Variants in LDB2 observed in about 807,000 individuals in gnomAD.
LDB2 encodes the protein LIM domain binding 2, also known as LIM domain-binding protein 2.
A neutral mutation model predicts 44.3 loss-of-function variants in LDB2; 12 were observed. That is an observed-to-expected ratio of 0.27 (90% CI 0.17 to 0.44). LDB2 has a LOEUF of 0.44. Ranked by LOEUF, LDB2 falls within the 20% of genes least tolerant of loss-of-function variation. LDB2 has a pLI of 1.00. For missense variants in LDB2, 344 were observed against 473.5 expected, an observed-to-expected ratio of 0.73 and a Z score of 2.54; for synonymous variants, 164 against 174.8, an observed-to-expected ratio of 0.94 and a Z score of 0.49.
At chr4:16,695,459 C>CAA (rs553974303) in intron 2 of LDB2, among the ~76,000 whole-genome samples, 151 of 109,610 alleles carry the variant, frequency 1.4e-3, no homozygotes, top group African/African-American at 4.7e-3. Context: ...AAGACTCTGT[C>CAA]AAAAAAAAAA....
intron 1 of LDB2, among the ~76,000 whole-genome samples, chr4:16,832,024 G>A (rs557888076): frequency 6.6e-6 from 1 of 152,302 alleles, no homozygotes; most frequent in South Asian, 2.1e-4. Context: ...GCCCTGGATT[G>A]TCTGAATTCG....
intron 1 of LDB2, among the ~76,000 whole-genome samples, chr4:16,873,501 C>CA (rs113226002): frequency 0.092 from 13,284 of 143,634 alleles, 1,704 homozygotes; most frequent in African/African-American, 0.29. Context: ...GATCTTATGA[C>CA]AAAAAAAAAA....
At chr4:16,680,049 G>A (rs1747410693) in intron 2 of LDB2, among the ~76,000 whole-genome samples, 1 of 152,114 alleles carries the variant, frequency 6.6e-6, no homozygotes, top group Admixed American at 6.5e-5. Flanking sequence ...TTTGGAGATG[G>A]GACCTTTGGG....
At chr4:16,771,554 C>T (rs1770697169) in intron 1 of LDB2, among the ~76,000 whole-genome samples, 1 of 152,138 alleles carries the variant, frequency 6.6e-6, no homozygotes, top group African/African-American at 2.4e-5. Context: ...CAACTCCATC[C>T]CCTACAAGCC....
intron 2 of LDB2, among the ~76,000 whole-genome samples, chr4:16,749,581 TAA>T (rs1277925447): frequency 2.3e-4 from 28 of 123,728 alleles, no homozygotes; most frequent in South Asian, 1.1e-3. Flanking sequence ...AATAAAAAAA[TAA>T]AAAAAAATAT....
At chr4:16,839,700 G>A (rs1323930127) in intron 1 of LDB2, among the ~76,000 whole-genome samples, 1 of 152,134 alleles carries the variant, frequency 6.6e-6, no homozygotes, top group African/African-American at 2.4e-5. Context: ...AGCTACCCCA[G>A]CCTGTGTTCC....
chr4:16,872,288 C>A (rs764758486), intron 1 of LDB2, among the ~76,000 whole-genome samples: 25 of 151,654 alleles, frequency 1.6e-4, no homozygotes, highest in Non-Finnish European at 2.7e-4. Context: ...CTGTATTTTT[C>A]TTCATATTAT....
intron 5 of LDB2, among the ~76,000 whole-genome samples, chr4:16,531,435 C>A (rs1730114781): frequency 6.6e-6 from 1 of 152,204 alleles, no homozygotes; most frequent in Non-Finnish European, 1.5e-5. Flanking sequence ...CCTCTTAATT[C>A]CTCCAAAAGG....
At chr4:16,726,119 G>C (rs368868919) in intron 2 of LDB2, among the ~76,000 whole-genome samples, 4 of 151,512 alleles carry the variant, frequency 2.6e-5, no homozygotes, top group African/African-American at 9.7e-5. Flanking sequence ...CAGAAAAATA[G>C]TAATTTCCTA....
At position 16,512,062 on chromosome 4, in the gene LDB2, G is replaced by T; in HGVS notation, c.658C>A (p.His220Asn). Residue 220 changes from histidine to asparagine, a missense_variant, in exon 6 of 8, where the codon CAT (histidine) becomes AAT (asparagine). His to Asn is a moderately conservative substitution (Grantham distance 68, BLOSUM62 1). Transcript: ENST00000304523. ...CGGGGACTGAGGTTGTAAGTTTTAT[G>T]TCTCGACATCAGTTCCTGCATTGGC... ...LEPMQELMSR[H>N]KTYNLSPRDC... is the part of the protein sequence containing the mutation. 1.2e-6 allele frequency: 2 copies of T among 1,613,618 alleles called. No homozygotes were observed. Among genetic ancestry groups the T allele is most frequent in the Non-Finnish European group, 1.7e-6 (2 of 1,179,756 alleles).
intron 2 of LDB2, among the ~76,000 whole-genome samples, chr4:16,667,629 C>T (rs1016358430): frequency 5.9e-5 from 9 of 152,208 alleles, no homozygotes; most frequent in African/African-American, 1.7e-4. Context: ...CAATTTCGCT[C>T]ATCTGCAAGG....
chr4:16,503,378 G>A (rs1241605499), intron 7 of LDB2, among the ~76,000 whole-genome samples: 2 of 152,170 alleles, frequency 1.3e-5, no homozygotes, highest in Non-Finnish European at 2.9e-5. Flanking sequence ...CTCTGTCCCA[G>A]GGATGATATA....
chr4:16,699,801 C>T (rs1458404695), intron 2 of LDB2, among the ~76,000 whole-genome samples: 2 of 152,160 alleles, frequency 1.3e-5, no homozygotes, highest in Non-Finnish European at 2.9e-5. Flanking sequence ...GAGTAGGGAA[C>T]ACAGACATGT....
At chr4:16,583,401 C>G (rs12498492) in intron 5 of LDB2, among the ~76,000 whole-genome samples, 48,318 of 151,990 alleles carry the variant, frequency 0.32, 9,495 homozygotes, top group Middle Eastern at 0.58. Context: ...TTTTCTGATA[C>G]TGGGAGTGGC....
intron 2 of LDB2, among the ~76,000 whole-genome samples, chr4:16,638,478 A>T (rs1164971776): frequency 6.6e-6 from 1 of 152,206 alleles, no homozygotes; most frequent in Non-Finnish European, 1.5e-5. Flanking sequence ...TTGCTTGGAG[A>T]GCAGGGAACC....
At chr4:16,585,391 A>G (rs1460354728) in intron 5 of LDB2, among the ~76,000 whole-genome samples, 3 of 152,082 alleles carry the variant, frequency 2.0e-5, no homozygotes, top group Non-Finnish European at 4.4e-5. Flanking sequence ...GCTCTGGGGA[A>G]TCTAAGCTGT....
At chr4:16,511,899 T>G in intron 6 of LDB2, 82 bp downstream of exon 6, 1 of 1,456,844 alleles carries the variant, frequency 6.9e-7, no homozygotes, top group Non-Finnish European at 9.3e-7. Flanking sequence ...TAATGATCAC[T>G]TTCTTCTTTT....
At position 16,536,392 on chromosome 4, in the gene LDB2, A is replaced by G. The variant is rs561509894; in HGVS notation, c.616-24288T>C. 1.3e-4 allele frequency among the ~76,000 whole-genome samples: 20 copies of G among 152,168 alleles called. No individual in the cohort carries two copies. The South Asian group carries it at 3.9e-3, about 30-fold the overall frequency. ...GATTGTGGTCCACCCCAGCCAAGTCACCTTCCTACACCTCGCTGAGTGCTC... is the reference window on the plus strand; with the variant it reads ...GATTGTGGTCCACCCCAGCCAAGTCGCCTTCCTACACCTCGCTGAGTGCTC... On this transcript the variant is annotated intron_variant, in intron 5 of 7. Coordinates refer to ENST00000304523, the MANE Select transcript of LDB2 (RefSeq NM_001290.5).
At chr4:16,880,321 C>T (rs1719683823) in intron 1 of LDB2, among the ~76,000 whole-genome samples, 2 of 152,160 alleles carry the variant, frequency 1.3e-5, no homozygotes, top group Admixed American at 6.5e-5. Context: ...TGCAAAAAGG[C>T]AGCTGACCAA....
Sources: gnomAD v4.1 joint callset for allele counts (sites outside exome capture counted in the v4.1 genomes callset) on GRCh38, gnomAD v4.1.1 for gene constraint, MANE v1.5 for transcripts, NCBI Gene and HGNC (gene_info 2026-07-23, HGNC 2026-07-21) for gene names.